The following NAV1 variants were observed in gnomAD, a reference collection of about 807,000 sequenced individuals.
NAV1 encodes neuron navigator 1, also known as pore membrane and/or filament interacting like protein 3.
A neutral mutation model predicts 175.2 loss-of-function variants in NAV1; 18 were observed. The ratio of observed to expected loss-of-function variants is 0.10; its 90% CI spans 0.07 to 0.15. NAV1 has a LOEUF of 0.15. Among genes scored for constraint, NAV1 ranks in the 10% least tolerant of loss-of-function variants. NAV1 has a pLI of 1.00. For synonymous variants in NAV1, 897 were observed against 978.7 expected (o/e 0.92, Z 1.56); for missense variants, 1,731 against 2,436.6 (o/e 0.71, Z 6.10).
chr1:201,798,717 T>TTTTG (rs1677632449), intron 15 of NAV1: 1 of 137,320 alleles, frequency 7.3e-6, no homozygotes, highest in African/African-American at 2.7e-5. Flanking sequence ...TTTTTTTTTT[T>TTTTG]TTTGAGATGA....
intron 1 of NAV1, among the ~76,000 whole-genome samples, chr1:201,660,828 C>T (rs971379489): frequency 2.6e-5 from 4 of 152,314 alleles, no homozygotes; most frequent in African/African-American, 9.6e-5. Context: ...CTGGGGGCCC[C>T]CTGTTAACTG....
intron 2 of NAV1, among the ~76,000 whole-genome samples, chr1:201,631,167 T>TTG (rs1668471205): frequency 6.6e-6 from 1 of 152,152 alleles, no homozygotes; most frequent in Admixed American, 6.5e-5. Flanking sequence ...AGGAGCAGGG[T>TTG]TCACTGCACT....
intron 3 of NAV1, among the ~76,000 whole-genome samples, chr1:201,760,517 C>A (rs925011668): frequency 2.6e-5 from 4 of 152,028 alleles, no homozygotes; most frequent in Non-Finnish European, 5.9e-5. Flanking sequence ...GTGTGGTGAC[C>A]CTGCTTAGAT....
At position 201,801,152 on chromosome 1, in the gene NAV1, A is replaced by G. The variant is rs370991237; in HGVS notation, c.3518-2441A>G. 3.3e-5 allele frequency among the ~76,000 whole-genome samples: 5 copies of G among 152,300 alleles called. No homozygotes were observed. The East Asian group carries it at 9.7e-4, about 29-fold the overall frequency. On this transcript the variant is annotated intron_variant, in intron 15 of 29. Transcript: ENST00000367296. The stretch of plus-strand genomic sequence containing the variant: ...CTCTTGAGAATTTCCCACGCCTTTT[A>G]AAATAACTGAAGTACTCTGTAGTAT...
At chr1:201,672,141 C>T (rs1001178557) in intron 1 of NAV1, among the ~76,000 whole-genome samples, 5 of 145,500 alleles carry the variant, frequency 3.4e-5, no homozygotes, top group African/African-American at 5.4e-5. Flanking sequence ...GTATTTGAAA[C>T]GTTTTTTCTC....
Position 201,588,518 on chromosome 1 carries a change from ATT to A in NAV1, c.-143-6_-143-5del, listed in dbSNP as rs58689392. Among the ~76,000 whole-genome samples the A allele has an allele frequency of 7.2e-5, 10 of 139,516 alleles. No homozygotes were observed. Among genetic ancestry groups the A allele is most frequent in the Non-Finnish European group, 6.2e-5 (4 of 64,722 alleles). The allele number at this position is 139,516 out of a possible 152,430, so 91.5% of individuals were successfully genotyped here. A position where few individuals can be genotyped will look rare whatever the true frequency, so the allele number is the denominator to read the frequency against. The stretch of plus-strand genomic sequence containing the variant: ...AGGTGCCACCACACCCAGCTGATTA[ATT>A]TTTTTTTTTTTTTTGTAGAGACAGA... On this transcript the variant is annotated intron_variant, in intron 1 of 33. Coordinates refer to the NAV1 transcript ENST00000685211.
At chr1:201,817,134 G>A (rs925434526) in exon 29 of NAV1, 7 of 1,614,104 alleles carry the variant, frequency 4.3e-6, no homozygotes, top group East Asian at 2.2e-5. Flanking sequence ...GAATGGGTCC[G>A]GGACACACTT....
At chr1:201,574,431 A>G (rs374523874) in intron 1 of NAV1, among the ~76,000 whole-genome samples, 5 of 152,204 alleles carry the variant, frequency 3.3e-5, no homozygotes, top group East Asian at 1.9e-4. Context: ...AGGCAGAAGG[A>G]GCAGCATGAA....
intron 1 of NAV1, among the ~76,000 whole-genome samples, chr1:201,667,989 T>C (rs1421141008): frequency 6.6e-6 from 1 of 152,210 alleles, no homozygotes; most frequent in Non-Finnish European, 1.5e-5. Flanking sequence ...GCCATGGCCA[T>C]AGGCCCCAGG....
chr1:201,644,800 T>C (rs1379277760), upstream of NAV1, among the ~76,000 whole-genome samples: 14 of 152,134 alleles, frequency 9.2e-5, no homozygotes, highest in Admixed American at 9.2e-4. Flanking sequence ...GGAAAGGACT[T>C]GGGATTTGGG....
At chr1:201,695,461 C>T (rs982150803) in intron 1 of NAV1, among the ~76,000 whole-genome samples, 7 of 152,212 alleles carry the variant, frequency 4.6e-5, no homozygotes, top group Admixed American at 3.3e-4. Context: ...ATTTGACCAG[C>T]CAGGGGGAAA....
In NAV1 at chr1:201,625,360, G is replaced by A. The variant is rs551032835; in HGVS notation, c.-101+1754G>A. Among the ~76,000 whole-genome samples the A allele has an allele frequency of 2.6e-5, 4 of 152,266 alleles. No homozygotes were observed. The East Asian group carries it at 5.8e-4, about 22-fold the overall frequency. On this transcript the variant is annotated intron_variant, in intron 1 of 29. Transcript: ENST00000367302. Reference sequence around the variant, plus strand: ...TTAGAAGTTAGTTCAAGACAGATTTGAGGCTCAAGAGCAAGAACTTTCCAA... The same window carrying A: ...TTAGAAGTTAGTTCAAGACAGATTTAAGGCTCAAGAGCAAGAACTTTCCAA...
chr1:201,812,421 C>G lies in NAV1; in HGVS notation c.5025-44C>G. 6.4e-7 allele frequency: 1 copy of G among 1,570,796 alleles called. No homozygotes were observed. The highest frequency in any genetic ancestry group is 8.7e-7 in the Non-Finnish European group (1 of 1,143,264). ...GGCAGGGGCTGAACCCTGACAATGT[C>G]CCCATTGCCACTCTGACCCCACTTT... is the stretch of plus-strand genomic sequence containing the variant. On this transcript the variant is annotated intron_variant, in intron 26 of 29. Coordinates refer to ENST00000367296, the Ensembl canonical transcript of NAV1. The surrounding 1 kb of genome is among the most constrained non-coding windows in gnomAD (Gnocchi z 4.6).
chr1:201,725,911 C>A (rs543878589), intron 3 of NAV1, among the ~76,000 whole-genome samples: 1 of 152,254 alleles, frequency 6.6e-6, no homozygotes, highest in East Asian at 1.9e-4. Flanking sequence ...GAGCTATGAT[C>A]ACACCCCTGC....
intron 3 of NAV1, among the ~76,000 whole-genome samples, chr1:201,765,378 ATT>A (rs1423127170): frequency 9.0e-6 from 1 of 111,188 alleles, no homozygotes; most frequent in African/African-American, 3.9e-5. Flanking sequence ...TTCAGGAAAT[ATT>A]CTTTTTTTTT....
chr1:201,585,161 G>C (rs1187644073), intron 1 of NAV1, among the ~76,000 whole-genome samples: 1 of 152,172 alleles, frequency 6.6e-6, no homozygotes, highest in Admixed American at 6.5e-5. Flanking sequence ...GTCAGGCACT[G>C]GGCTGGATCT....
At chr1:201,569,023 G>A (rs1666451936) in intron 1 of NAV1, among the ~76,000 whole-genome samples, 1 of 152,162 alleles carries the variant, frequency 6.6e-6, no homozygotes, top group South Asian at 2.1e-4. Flanking sequence ...CCTCCCGGCT[G>A]CTTCCTGTTA....
chr1:201,714,663 C>A (rs1234226884), intron 2 of NAV1, among the ~76,000 whole-genome samples: 1 of 152,126 alleles, frequency 6.6e-6, no homozygotes, highest in African/African-American at 2.4e-5. Context: ...TAGGACCCAG[C>A]GGATGAAATC....
chr1:201,739,839 G>T, intron 3 of NAV1: 1 of 1,251,902 alleles, frequency 8.0e-7, no homozygotes, highest in South Asian at 3.7e-5. Context: ...AAGTACAGCT[G>T]GAGCCGTAAG....
Sources: allele counts gnomAD v4.1 joint callset (sites outside exome capture counted in the v4.1 genomes callset), GRCh38; gene constraint gnomAD v4.1.1; non-coding constraint Gnocchi (gnomAD v3.1); transcripts MANE v1.5; gene names NCBI Gene and HGNC (gene_info 2026-07-23, HGNC 2026-07-21).